TCF3: variants seen among roughly 807,000 people sequenced by gnomAD.
TCF3 encodes transcription factor E2-alpha.
In TCF3, 54 loss-of-function variants were observed where a neutral mutation model predicts 72.3. The ratio of observed to expected loss-of-function variants is 0.75; its 90% confidence interval spans 0.60 to 0.94. The LOEUF is 0.94. Ranked by LOEUF, TCF3 falls within the 40% of genes least tolerant of loss-of-function variation. TCF3 has a pLI of 0.00. For synonymous variants in TCF3, 525 were observed against 412.6 expected (o/e 1.27, Z -3.30); for missense variants, 1,078 against 934.4 (o/e 1.15, Z -2.00).
intron 18 of TCF3, chr19:1,612,315 G>C (rs1262060108): frequency 6.2e-7 from 1 of 1,613,950 alleles, no homozygotes; most frequent in Non-Finnish European, 8.5e-7. Flanking sequence ...ATGCGCCCCA[G>C]CTCCCGGAAG....
rs1279907200 is a variant in TCF3 at position 1,609,301 on chromosome 19, A to C, written c.*2406T>G. ...CCGGGGACTGCAGGGCATCGTTATA[A>C]AATGTCACGTTTATTGCTACAGTGC... On this transcript the variant is annotated 3_prime_UTR_variant, in exon 19 of 19. Coordinates refer to ENST00000262965, the MANE Select transcript of TCF3 (RefSeq NM_003200.5). 5.6e-6 allele frequency: 1 copy of C among 178,670 alleles called. No homozygotes were observed. The highest frequency in any genetic ancestry group is 6.3e-5 in the Admixed American group (1 of 15,840). 11.1% of individuals were successfully genotyped at this position (178,670 alleles called of 1,614,324 possible).
intron 3 of TCF3, among the ~76,000 whole-genome samples, chr19:1,645,176 C>A (rs1285428380): frequency 6.6e-6 from 1 of 152,036 alleles, no homozygotes; most frequent in Admixed American, 6.5e-5. Flanking sequence ...CCAGCCAGGG[C>A]CCACCCCTGG....
In TCF3 at chr19:1,625,623, G is replaced by A. The variant is rs372696633; in HGVS notation, c.452C>T (p.Pro151Leu). ...SGMKGTSQYY[P>L]SYSGSSRRRA... ...CCGCCGGGAGCTGCCGGAGTAGGAG[G>A]GGTAGTACTGGGAGGTCCCCTTCAT... Residue 151 changes from proline to leucine, a missense_variant, in exon 7 of 19, where the codon CCC (proline) becomes CTC (leucine). Transcript: ENST00000262965. 1.2e-4 allele frequency: 187 copies of A among 1,575,202 alleles called. No homozygotes were observed. Among genetic ancestry groups the A allele is most frequent in the Non-Finnish European group, 1.3e-5 (15 of 1,163,848 alleles).
intron 3 of TCF3, among the ~76,000 whole-genome samples, chr19:1,643,420 T>C (rs1479479446): frequency 2.0e-5 from 3 of 152,206 alleles, no homozygotes; most frequent in African/African-American, 7.2e-5. Flanking sequence ...GAGGTTTTGC[T>C]GTGTTACCCA....
Position 1,623,938 on chromosome 19 carries a change from T to G in TCF3, c.549+13A>C. 1.2e-6 allele frequency: 2 copies of G among 1,612,982 alleles called. No individual in the cohort carries two copies. Among genetic ancestry groups the G allele is most frequent in the African/African-American group, 2.7e-5 (2 of 74,944 alleles). On this transcript the variant is annotated intron_variant, in intron 8 of 18. Transcript: ENST00000262965. ...GACGAGCTGTGGGGTCCCTTCTCCCTCGTGCGACTCACCGAGGATGGAAGA... is the reference window on the plus strand; with the variant it reads ...GACGAGCTGTGGGGTCCCTTCTCCCGCGTGCGACTCACCGAGGATGGAAGA...
chr19:1,622,271 C>T (rs752605078), intron 9 of TCF3, 42 bp downstream of exon 9: 128 of 1,506,728 alleles, frequency 8.5e-5, no homozygotes, highest in Non-Finnish European at 1.1e-4. Context: ...GAACCCCAGC[C>T]CTGCCCTACC....
chr19:1,619,759 T>C (rs372847981), intron 14 of TCF3, 21 bp downstream of exon 14: 3 of 484,084 alleles, frequency 6.2e-6, no homozygotes, highest in Non-Finnish European at 8.4e-6. Context: ...AAGGGTGGGG[T>C]GGGGCGGGGC....
chr19:1,622,428 G>GCTGCTGGGGGTCTT lies in TCF3; in HGVS notation c.550-14_550-13insAAGACCCCCAGCAG. The GCTGCTGGGGGTCTT allele has an allele frequency of 1.5e-6, 2 of 1,313,892 alleles. No homozygotes were observed. The highest frequency in any genetic ancestry group is 1.0e-6 in the Non-Finnish European group (1 of 978,810). The allele number at this position is 1,313,892 out of a possible 1,614,324, so 81.4% of individuals were successfully genotyped here. A position where few individuals can be genotyped will look rare whatever the true frequency, so the allele number is the denominator to read the frequency against. ...TGGGTGGGTACACCTGCGGGCGGGT[G>GCTGCTGGGGGTCTT]GGCGGTGGGGGGTGCAGTCAGGACG... On this transcript the variant is annotated splice_polypyrimidine_tract_variant and intron_variant, in intron 8 of 18. Transcript: ENST00000262965.
rs79986219 is a variant in TCF3 at position 1,631,678 on chromosome 19, C to T, written c.298+360G>A. On this transcript the variant is annotated intron_variant, in intron 5 of 18. Coordinates refer to ENST00000262965, the MANE Select transcript of TCF3 (RefSeq NM_003200.5). Reference sequence around the variant, plus strand: ...CCACCGCACACTCTGGCCGCCCTCCCGAGTCTCCAGAACTCCTACGCCTCC... The same window carrying T: ...CCACCGCACACTCTGGCCGCCCTCCTGAGTCTCCAGAACTCCTACGCCTCC... Among the ~76,000 whole-genome samples the T allele has an allele frequency of 2.1e-4, 32 of 152,308 alleles. No homozygotes were observed. The East Asian group carries it at 5.8e-3, about 28-fold the overall frequency.
At chr19:1,621,359 T>C (rs2146097452) in intron 11 of TCF3, among the ~76,000 whole-genome samples, 168 bp from the exon 12 acceptor site, 1 of 152,350 alleles carries the variant, frequency 6.6e-6, no homozygotes, top group East Asian at 1.9e-4. Context: ...CTGCAGGGGT[T>C]GAGGCACTGG....
chr19:1,618,687 C>A (rs1599541794), intron 16 of TCF3, among the ~76,000 whole-genome samples: 1 of 152,224 alleles, frequency 6.6e-6, no homozygotes, highest in Non-Finnish European at 1.5e-5. Context: ...CCAAACACCA[C>A]CTTGTGGCCT....
intron 8 of TCF3, 37 bp from the exon 9 acceptor site, chr19:1,622,452 C>T (rs1374348067): frequency 4.2e-6 from 4 of 953,248 alleles, no homozygotes; most frequent in East Asian, 5.4e-5. Context: ...GCAGTCAGGA[C>T]GGAGGGACCA....
chr19:1,624,374 G>T (rs936370277), intron 7 of TCF3, among the ~76,000 whole-genome samples: 1 of 152,150 alleles, frequency 6.6e-6, no homozygotes, highest in Admixed American at 6.6e-5. Context: ...CCAGCCTGGG[G>T]ACAGAGAAAG....
chr19:1,643,380 C>T (rs943230981), intron 3 of TCF3, among the ~76,000 whole-genome samples: 1 of 152,168 alleles, frequency 6.6e-6, no homozygotes, highest in African/African-American at 2.4e-5. Flanking sequence ...GCCACCACGC[C>T]CAGCTAATTT....
Position 1,622,210 on chromosome 19 carries a change from G to C in TCF3, c.666C>G (p.His222Gln). The change falls in exon 10 of 19, where the codon CAC becomes CAG. Residue 222 changes from histidine to glutamine, a missense_variant. By Grantham distance (24) the His-to-Gln change is conservative. Coordinates refer to ENST00000262965, the MANE Select transcript of TCF3 (RefSeq NM_003200.5). ...APFYVADGSL[H>Q]PSAELWSPPG... is the part of the protein sequence containing the mutation. ...GGGGACTCCAGAGCTCGGCTGAGGG[G>C]TGCAGGCTGCCATCTGTGGAGGGGA... 6.4e-7 allele frequency: 1 copy of C among 1,552,676 alleles called. No homozygotes were observed. Among genetic ancestry groups the C allele is most frequent in the Non-Finnish European group, 8.7e-7 (1 of 1,150,238 alleles).
At chr19:1,646,849 T>C (rs1263516950) in intron 2 of TCF3, among the ~76,000 whole-genome samples, 3 of 152,222 alleles carry the variant, frequency 2.0e-5, no homozygotes, top group Admixed American at 1.3e-4. Flanking sequence ...ACTCAACAGG[T>C]GGACATGTGG....
At chr19:1,636,740 T>A (rs2064463929) in intron 3 of TCF3, among the ~76,000 whole-genome samples, 1 of 152,122 alleles carries the variant, frequency 6.6e-6, no homozygotes, top group Non-Finnish European at 1.5e-5. Flanking sequence ...TCCCAGCTTC[T>A]GAGGAGGATC....
intron 16 of TCF3, among the ~76,000 whole-genome samples, chr19:1,618,501 C>A (rs549474681): frequency 1.3e-5 from 2 of 149,250 alleles, no homozygotes; most frequent in East Asian, 4.1e-4. Context: ...ACCTGCCCTG[C>A]CCCGCCCTCC....
rs538373483 is a variant in TCF3, at chr19:1,652,400, G to A, written c.-140C>T. On this transcript the variant is annotated 5_prime_UTR_variant, in exon 1 of 19. Transcript: ENST00000262965. ...AGGTGCGTCGCGGCCGGGCCCCCGA[G>A]GGTCGCGCGTGGGCGGCGGCGGCGG... The A allele has an allele frequency of 1.3e-3, 183 of 142,616 alleles. No homozygotes were observed. Among genetic ancestry groups the A allele is most frequent in the African/African-American group, 4.5e-3 (179 of 39,806 alleles). The allele number at this position is 142,616 out of a possible 1,614,324, so 8.8% of individuals were successfully genotyped here.
Sources: allele counts gnomAD v4.1 joint callset (sites outside exome capture counted in the v4.1 genomes callset), GRCh38; gene constraint gnomAD v4.1.1; transcripts MANE v1.5; gene names NCBI Gene and HGNC (gene_info 2026-07-23, HGNC 2026-07-21).